PLD2: variants seen among roughly 807,000 people sequenced by gnomAD.
PLD2 encodes phospholipase D2, also known as choline phosphatase 2.
In PLD2, 101 loss-of-function variants were observed where a neutral mutation model predicts 119.8. The ratio of observed to expected loss-of-function variants is 0.84; its 90% confidence interval spans 0.72 to 0.99. PLD2 has a LOEUF of 0.99. PLD2 is among the 50% of genes least tolerant of loss of function. PLD2 has a pLI of 0.00. For missense variants in PLD2, 1,164 were observed against 1,226.8 expected, an observed-to-expected ratio of 0.95 and a Z score of 0.76; for synonymous variants, 494 against 482.8, an observed-to-expected ratio of 1.02 and a Z score of -0.30.
intron 10 of PLD2, 183 bp from the exon 11 acceptor site, chr17:4,814,235 A>T: frequency 3.7e-6 from 3 of 814,502 alleles, no homozygotes; most frequent in Middle Eastern, 3.8e-4. Context: ...TGTAATTTTT[A>T]TTTGTATTTA....
intron 24 of PLD2, among the ~76,000 whole-genome samples, 157 bp from the exon 25 acceptor site, chr17:4,822,483 A>G (rs1376737287): frequency 7.2e-6 from 1 of 138,856 alleles, no homozygotes; most frequent in African/African-American, 3.0e-5. Context: ...AAAGAGTGAA[A>G]CTCCGTCTCA....
chr17:4,815,779 G>C lies in PLD2; in HGVS notation c.1300G>C (p.Asp434His). The C allele has an allele frequency of 6.2e-7, 1 of 1,614,022 alleles. No individual in the cohort carries two copies. The highest frequency in any genetic ancestry group is 8.5e-7 in the Non-Finnish European group (1 of 1,179,984). The change falls in exon 14 of 25, where the codon GAC becomes CAC. Residue 434 changes from aspartate (D) to histidine (H), a missense_variant. Asp to His is a moderately conservative substitution (Grantham distance 81). Coordinates refer to ENST00000263088, the MANE Select transcript of PLD2 (RefSeq NM_002663.5). Reference protein sequence around the residue: ...HPNIKVMRHPDQVTLWAHHEK... With the variant: ...HPNIKVMRHPHQVTLWAHHEK... ...CCTGCTCCAGGTGATGCGTCACCCA[G>C]ACCAAGTGACGTTGTGGGCCCATCA... is the stretch of plus-strand genomic sequence containing the variant.
intron 20 of PLD2, 63 bp from the exon 21 acceptor site, chr17:4,818,711 C>G: frequency 6.3e-7 from 1 of 1,593,932 alleles, no homozygotes; most frequent in Non-Finnish European, 8.6e-7. Flanking sequence ...AGAAGGGCCA[C>G]CTCTCCTGAC....
rs1906403229 is a variant in PLD2, at chr17:4,810,960, C to T, written c.1010+9C>T. 6.2e-7 allele frequency: 1 copy of T among 1,605,772 alleles called. No homozygotes were observed. The highest frequency in any genetic ancestry group is 1.7e-5 in the Admixed American group (1 of 59,422). ...GGGACCTTGGCCCGGTGGTGAGACA[C>T]TGACATCCCTTCTGAGCTTGTCTGT... On this transcript the variant is annotated intron_variant, in intron 10 of 24. Transcript: ENST00000263088.
chr17:4,821,825 T>C lies in PLD2; in HGVS notation c.2495T>C (p.Leu832Ser). 1 of 1,613,914 alleles carries C rather than the reference T, an allele frequency of 6.2e-7. No homozygotes were observed. Among genetic ancestry groups the C allele is most frequent in the Non-Finnish European group, 8.5e-7 (1 of 1,179,890 alleles). The change falls in exon 24 of 25, where the codon TTG (leucine) becomes TCG (serine). Residue 832 changes from leucine (L) to serine (S), a missense_variant. Transcript: ENST00000263088. ...VILGANTRPD[L>S]DLRDPICDDF... ...CTTGGAGCAAATACCCGGCCAGACT[T>C]GGATCTCCGAGACCCCATCTGTGAT...
intron 23 of PLD2, among the ~76,000 whole-genome samples, chr17:4,820,361 G>A (rs1284254426): frequency 1.3e-5 from 2 of 149,720 alleles, no homozygotes; most frequent in Non-Finnish European, 1.5e-5. Context: ...TCCGCCTCCT[G>A]GGTTCAAGCA....
At position 4,807,605 on chromosome 17, in the gene PLD2, G is replaced by A; in HGVS notation, c.-1-167G>A. The A allele has an allele frequency of 5.4e-6, 3 of 554,764 alleles. No individual in the cohort carries two copies. Among genetic ancestry groups the A allele is most frequent in the Non-Finnish European group, 9.8e-6 (3 of 306,910 alleles). 34.4% of individuals were successfully genotyped at this position (554,764 alleles called of 1,614,324 possible). A position where few individuals can be genotyped will look rare whatever the true frequency, so the allele number is the denominator to read the frequency against. On this transcript the variant is annotated intron_variant, in intron 1 of 24. Coordinates refer to ENST00000263088, the MANE Select transcript of PLD2 (RefSeq NM_002663.5). This position sits in a 1 kb window ranked among gnomAD's most constrained non-coding sequence, Gnocchi z 5.4. ...GGACTAAGGTAGGGGATGGGGGCTC[G>A]AAGGGGTCGGTGGGGCGTTGCAAAC...
At position 4,817,153 on chromosome 17, in the gene PLD2, A is replaced by G. The variant is rs750564597; in HGVS notation, c.1709A>G (p.Lys570Arg). The G allele has an allele frequency of 2.5e-6, 4 of 1,613,176 alleles. No homozygotes were observed. The highest frequency in any genetic ancestry group is 3.3e-5 in the Admixed American group (2 of 60,010). ...GCCATCCCTCCACGTCAGACCACCA[A>G]GGCCAAGTACAAGACTCCCACATAC... ...IQRWNFTKTTKAKYKTPTYPY... is the reference protein window; with the variant it reads ...IQRWNFTKTTRAKYKTPTYPY... Residue 570 changes from lysine (K) to arginine (R), a missense_variant, in exon 17 of 25, where the codon AAG (lysine) becomes AGG (arginine). Physicochemically the swap from Lys to Arg is conservative, Grantham distance 26. Coordinates refer to ENST00000263088, the MANE Select transcript of PLD2 (RefSeq NM_002663.5).
In PLD2 at chr17:4,809,911, A is replaced by C. The variant is rs777060973; in HGVS notation, c.742A>C (p.Met248Leu). The change falls in exon 9 of 25, where the codon ATG becomes CTG. Residue 248 changes from methionine (M) to leucine (L), a missense_variant. Transcript: ENST00000263088. ...GGTGAAGGACTCCTTCCTGCTGTAC[A>C]TGTGCCTCGAGACAGGTGCCATCTC... ...LVVKDSFLLY[M>L]CLETGAISFV... 2 of 1,614,176 alleles carry C rather than the reference A, an allele frequency of 1.2e-6. No homozygotes were observed. Among genetic ancestry groups the C allele is most frequent in the Non-Finnish European group, 1.7e-6 (2 of 1,180,034 alleles).
rs983508183 is a variant in PLD2 at position 4,808,443 on chromosome 17, A to G, written c.383+27A>G. 7.5e-6 allele frequency: 12 copies of G among 1,607,808 alleles called. No homozygotes were observed. The African/African-American group carries it at 9.4e-5, about 13-fold the overall frequency. On this transcript the variant is annotated intron_variant, in intron 4 of 24. Transcript: ENST00000263088. This position sits in a 1 kb window ranked among gnomAD's most constrained non-coding sequence, Gnocchi z 4.1. ...TGAGGGCGACCGGACTGCTTCCTGT[A>G]GAGGGCAGGTGCTCCCCACCCTCCT... is the stretch of plus-strand genomic sequence containing the variant.
chr17:4,810,669 A>G, intron 9 of PLD2, 133 bp from the exon 10 acceptor site: 4 of 803,360 alleles, frequency 5.0e-6, no homozygotes, highest in Non-Finnish European at 7.8e-6. Context: ...TAAATAAGGC[A>G]GATACATACA....
chr17:4,813,809 A>C (rs1597327093), intron 10 of PLD2, among the ~76,000 whole-genome samples: 2 of 152,218 alleles, frequency 1.3e-5, no homozygotes, highest in African/African-American at 4.8e-5. Flanking sequence ...CAGTGAGCCA[A>C]GATCATGCCA....
chr17:4,818,884 T>G, intron 21 of PLD2, 61 bp downstream of exon 21: 1 of 1,562,106 alleles, frequency 6.4e-7, no homozygotes, highest in Non-Finnish European at 8.8e-7. Context: ...ATTGGGGCGC[T>G]GCAGGCCTGG....
At chr17:4,818,658 C>G (rs1907299581) in intron 20 of PLD2, 51 bp downstream of exon 20, 7 of 1,545,856 alleles carry the variant, frequency 4.5e-6, no homozygotes, top group Admixed American at 3.3e-5. Context: ...CCACCCGTGT[C>G]CCCCTCCTGA....
At position 4,814,469 on chromosome 17, in the gene PLD2, A is replaced by C; in HGVS notation, c.1062A>C (p.Arg354=). 6.2e-7 allele frequency: 1 copy of C among 1,613,366 alleles called. No homozygotes were observed. The highest frequency in any genetic ancestry group is 8.5e-7 in the Non-Finnish European group (1 of 1,179,812). ...CTGCTGTGGCAGATGCCATCCTTCG[A>C]GCTCAAGAGGAGATTTTCATCACAG... is the stretch of plus-strand genomic sequence containing the variant. ...YFAAVADAIL[R]AQEEIFITDW... The change falls in exon 11 of 25, where the codon CGA becomes CGC. Residue 354 remains arginine (R), a synonymous_variant. Coordinates refer to ENST00000263088, the MANE Select transcript of PLD2 (RefSeq NM_002663.5).
chr17:4,822,681 G>A lies in PLD2; in HGVS notation c.2619G>A (p.Arg873=). Reference sequence around the variant, plus strand: ...CATCCAATGCCACGCGTTCCCTGCGGACTCTCCGGGAGTACGTGGCCGTGG... The same window carrying A: ...CATCCAATGCCACGCGTTCCCTGCGAACTCTCCGGGAGTACGTGGCCGTGG... The part of the protein sequence containing the change: ...CLPSNATRSL[R]TLREYVAVEP... Residue 873 remains arginine, a synonymous_variant, in exon 25 of 25, where the codon CGG becomes CGA. Coordinates refer to ENST00000263088, the MANE Select transcript of PLD2 (RefSeq NM_002663.5). 1 of 1,613,898 alleles carries A rather than the reference G, an allele frequency of 6.2e-7. No individual in the cohort carries two copies. The highest frequency in any genetic ancestry group is 1.3e-5 in the African/African-American group (1 of 75,056).
Position 4,814,628 on chromosome 17 carries a change from C to A in PLD2, c.1095-5C>A, listed in dbSNP as rs1261104558. The A allele has an allele frequency of 6.2e-7, 1 of 1,613,930 alleles. No homozygotes were observed. Among genetic ancestry groups the A allele is most frequent in the African/African-American group, 1.3e-5 (1 of 74,866 alleles). On this transcript the variant is annotated splice_polypyrimidine_tract_variant and splice_region_variant and intron_variant, in intron 11 of 24. Coordinates refer to ENST00000263088, the MANE Select transcript of PLD2 (RefSeq NM_002663.5). ...TTGCCCCTAATCCACTGCCCTGAATCCCAGGTTGAGTCCTGAGGTTTACCT... is the reference window on the plus strand; with the variant it reads ...TTGCCCCTAATCCACTGCCCTGAATACCAGGTTGAGTCCTGAGGTTTACCT...
rs751334282 is a variant in PLD2, at chr17:4,808,162, T to C, written c.240+48T>C. 1 of 1,594,578 alleles carries C rather than the reference T, an allele frequency of 6.3e-7. No homozygotes were observed. Among genetic ancestry groups the C allele is most frequent in the Admixed American group, 1.7e-5 (1 of 59,220 alleles). On this transcript the variant is annotated intron_variant, in intron 3 of 24. Transcript: ENST00000263088. The surrounding 1 kb of genome is among the most constrained non-coding windows in gnomAD (Gnocchi z 4.1). ...GGGGGAAAGGGAGGGCGGCCCGGAA[T>C]GGATCCAAGGTGGCTGGGCTGGCCC... is the stretch of plus-strand genomic sequence containing the variant.
intron 17 of PLD2, among the ~76,000 whole-genome samples, chr17:4,817,754 C>G (rs1907164092): frequency 6.6e-6 from 1 of 151,166 alleles, no homozygotes; most frequent in African/African-American, 2.4e-5. Flanking sequence ...GTCCGGAGAG[C>G]AAGACCATCC....
Sources: gnomAD v4.1 joint callset for allele counts (sites outside exome capture counted in the v4.1 genomes callset) on GRCh38, gnomAD v4.1.1 for gene constraint, Gnocchi (gnomAD v3.1) non-coding constraint, MANE v1.5 for transcripts, NCBI Gene and HGNC (gene_info 2026-07-23, HGNC 2026-07-21) for gene names.